BPTF: variants seen among roughly 807,000 people sequenced by gnomAD.
BPTF encodes nucleosome-remodeling factor subunit BPTF.
In BPTF, 18 loss-of-function variants were observed where a neutral mutation model predicts 292.5. The ratio of observed to expected loss-of-function variants is 0.06; its 90% CI spans 0.04 to 0.09. The LOEUF (loss-of-function observed/expected upper bound fraction) is 0.09, where lower values mean the gene tolerates loss of function less well. Ranked by LOEUF, BPTF falls within the 10% of genes least tolerant of loss-of-function variation. The pLI, the probability that BPTF is intolerant of heterozygous loss-of-function variation, is 1.00. For missense variants in BPTF, 2,726 were observed against 3,498.7 expected (o/e 0.78, Z 5.57); for synonymous variants, 1,225 against 1,251.9 (o/e 0.98, Z 0.45).
chr17:67,923,131 C>T (rs1450960081), intron 14 of BPTF, 141 bp downstream of exon 14: 1 of 930,944 alleles, frequency 1.1e-6, no homozygotes, highest in Non-Finnish European at 1.6e-6. Context: ...TCTTGGCTCA[C>T]TGCAACCTCT....
intron 2 of BPTF, 137 bp from the exon 3 acceptor site, chr17:67,866,327 C>T: frequency 1.5e-6 from 1 of 668,042 alleles, no homozygotes; most frequent in Non-Finnish European, 2.6e-6. Context: ...TGAGTGAGAC[C>T]TGCAGGGTTT....
At chr17:67,934,386 C>T (rs745872402) in intron 18 of BPTF, among the ~76,000 whole-genome samples, 1 of 151,644 alleles carries the variant, frequency 6.6e-6, no homozygotes, top group Non-Finnish European at 1.5e-5. Flanking sequence ...GGTGTGATGG[C>T]GAGCACTTGT....
In BPTF at chr17:67,859,660, C is replaced by T. The variant is rs146028726; in HGVS notation, c.1436+4898C>T. ...TTCTTGAGAAATCTGCAACTTGCAT[C>T]GTTTTAGCTGTTAAAACCAATGCTT... On this transcript the variant is annotated intron_variant, in intron 2 of 27. Transcript: ENST00000306378. Among the ~76,000 whole-genome samples the T allele has an allele frequency of 4.3e-3, 654 of 152,258 alleles. 5 individuals are homozygous for T. Among genetic ancestry groups the T allele is most frequent in the African/African-American group, 0.015 (611 of 41,550 alleles).
chr17:67,905,078 G>A lies in BPTF; in HGVS notation c.2812+238G>A, dbSNP rs538881236. Among the ~76,000 whole-genome samples the A allele has an allele frequency of 9.9e-5, 15 of 152,128 alleles. No homozygotes were observed. The South Asian group carries it at 2.5e-3, about 25-fold the overall frequency. ...GAATGGAACTTGTTTTTTAGAAGAC[G>A]CCTCAGCCGCCTGATTATCATTTTT... On this transcript the variant is annotated intron_variant, in intron 9 of 27. Transcript: ENST00000306378.
Position 67,886,368 on chromosome 17 carries a change from C to CT in BPTF, c.1865-5468dup, listed in dbSNP as rs11413151. The CT allele has an allele frequency of 0.019, 24,103 of 1,288,406 alleles. 3,677 individuals are homozygous for CT. In the African/African-American group the frequency reaches 0.33, roughly 18 times the overall value. 79.8% of individuals were successfully genotyped at this position (1,288,406 alleles called of 1,614,324 possible). ...TAAAGGGAAGTTTTTTCTTTTTTTT[C>CT]TTTTTTTTGTGTGTGTGTGTGTGGT... is the stretch of plus-strand genomic sequence containing the variant. On this transcript the variant is annotated intron_variant, in intron 4 of 27. Transcript: ENST00000306378.
chr17:67,832,804 T>C (rs2056816479), intron 1 of BPTF, among the ~76,000 whole-genome samples: 1 of 146,746 alleles, frequency 6.8e-6, no homozygotes, highest in Non-Finnish European at 1.5e-5. Flanking sequence ...TTTTTTTTTT[T>C]TGAGGCAGAG....
chr17:67,966,196 C>T (rs574619519), intron 25 of BPTF: 1 of 186,286 alleles, frequency 5.4e-6, no homozygotes, highest in South Asian at 9.5e-5. Context: ...CATCACGTCT[C>T]TGCTACCTCA....
rs758332344 is a variant in BPTF, at chr17:67,826,267, C to A, written c.543C>A (p.Asp181Glu). 1.9e-6 allele frequency: 3 copies of A among 1,584,162 alleles called. No homozygotes were observed. Among genetic ancestry groups the A allele is most frequent in the Non-Finnish European group, 2.6e-6 (3 of 1,156,076 alleles). ...DDSDYPEEME[D>E]DDDDASYCTE... ...CCGATTATCCGGAGGAGATGGAAGA[C>A]GACGACGACGACGCCAGTTACTGCA... The change falls in exon 1 of 28, where the codon GAC (aspartate) becomes GAA (glutamate). Residue 181 changes from aspartate (D) to glutamate (E), a missense_variant. Asp to Glu is a conservative substitution (Grantham distance 45). Coordinates refer to ENST00000306378, the MANE Select transcript of BPTF (RefSeq NM_182641.4).
At chr17:67,843,890 C>T (rs925704440) in intron 1 of BPTF, among the ~76,000 whole-genome samples, 5 of 147,654 alleles carry the variant, frequency 3.4e-5, no homozygotes, top group Admixed American at 6.8e-5. Context: ...CTCAGCCTCC[C>T]GAGTAGCTGA....
intron 26 of BPTF, among the ~76,000 whole-genome samples, chr17:67,968,415 G>T (rs2068366628): frequency 6.6e-6 from 1 of 151,354 alleles, no homozygotes; most frequent in Admixed American, 6.6e-5. Context: ...AAAGTACCTG[G>T]GATGTTTACT....
chr17:67,851,273 T>A (rs1294443815), intron 1 of BPTF, among the ~76,000 whole-genome samples: 1 of 110,374 alleles, frequency 9.1e-6, no homozygotes, highest in African/African-American at 7.2e-5. Flanking sequence ...GATTTTCTGC[T>A]TTTTTTTTTT....
At chr17:67,975,244 ACATTTAAG>A (rs2069263514) in intron 26 of BPTF, 2 of 152,310 alleles carry the variant, frequency 1.3e-5, no homozygotes, top group South Asian at 4.1e-4. Flanking sequence ...TTTTTCCCTT[ACATTTAAG>A]TGGACACTTA....
chr17:67,958,160 TCTAC>T (rs1555681847), intron 23 of BPTF, among the ~76,000 whole-genome samples: 1 of 151,514 alleles, frequency 6.6e-6, no homozygotes, highest in Admixed American at 6.6e-5. Context: ...AAACCCCATC[TCTAC>T]CAAAAATACA....
intron 23 of BPTF, among the ~76,000 whole-genome samples, chr17:67,948,960 A>C (rs2066022254): frequency 6.6e-6 from 1 of 152,240 alleles, no homozygotes; most frequent in South Asian, 2.1e-4. Flanking sequence ...CAGCCTGGGC[A>C]ACAGAGCAAA....
In BPTF at chr17:67,968,498, G is replaced by A. The variant is rs1360121546; in HGVS notation, c.8539+1842G>A. On this transcript the variant is annotated intron_variant, in intron 26 of 27. Transcript: ENST00000306378. ...AATGGTAGAAAATTCATAAAATAAG[G>A]TCAGGTGCGGTGGCTCACGCCTGTA... 3.3e-5 allele frequency among the ~76,000 whole-genome samples: 5 copies of A among 151,446 alleles called. 1 individual carries two copies. Among genetic ancestry groups the A allele is most frequent in the African/African-American group, 1.2e-4 (5 of 40,810 alleles).
chr17:67,978,819 A>G (rs1482182514), intron 27 of BPTF, among the ~76,000 whole-genome samples: 3 of 152,218 alleles, frequency 2.0e-5, no homozygotes, highest in Non-Finnish European at 4.4e-5. Flanking sequence ...GATTAAGCCA[A>G]AGAACGTCAG....
At position 67,917,131 on chromosome 17, in the gene BPTF, C is replaced by CTTTTTTTTTTTTTTTTTTT. The variant is rs943348736; in HGVS notation, c.5304-1582_5304-1564dup. Among the ~76,000 whole-genome samples the CTTTTTTTTTTTTTTTTTTT allele has an allele frequency of 1.4e-3, 149 of 105,774 alleles. 9 individuals carry two copies. Among genetic ancestry groups the CTTTTTTTTTTTTTTTTTTT allele is most frequent in the East Asian group, 3.3e-3 (8 of 2,450 alleles). The allele number at this position is 105,774 out of a possible 152,430, so 69.4% of individuals were successfully genotyped here. The stretch of plus-strand genomic sequence containing the variant: ...GATAAGTAACTAATATGGTATTGTC[C>CTTTTTTTTTTTTTTTTTTT]TTTTTTTTTTTTTTTTTTTGAGATA... On this transcript the variant is annotated intron_variant, in intron 11 of 27. Transcript: ENST00000306378.
At chr17:67,869,997 G>A (rs1182007724) in intron 3 of BPTF, among the ~76,000 whole-genome samples, 3 of 97,750 alleles carry the variant, frequency 3.1e-5, no homozygotes, top group African/African-American at 5.0e-5. Flanking sequence ...GCGAGACTCC[G>A]TCTCAAAAAA....
intron 7 of BPTF, among the ~76,000 whole-genome samples, chr17:67,897,278 T>C (rs1286494650): frequency 7.3e-6 from 1 of 137,912 alleles, no homozygotes; most frequent in Non-Finnish European, 1.5e-5. Context: ...GAGGCGGAGG[T>C]TGCGGTGAGC....
Sources: allele counts gnomAD v4.1 joint callset (sites outside exome capture counted in the v4.1 genomes callset), GRCh38; gene constraint gnomAD v4.1.1; transcripts MANE v1.5; gene names NCBI Gene and HGNC (gene_info 2026-07-23, HGNC 2026-07-21).